The following MYO1B variants were observed in gnomAD, a reference collection of about 807,000 sequenced individuals.
MYO1B encodes the protein myosin IB.
In MYO1B, 72 loss-of-function variants were observed where a neutral mutation model predicts 159.7. That is an observed-to-expected ratio of 0.45 (90% CI 0.37 to 0.55). MYO1B has a LOEUF of 0.55. Ranked by LOEUF, MYO1B falls within the 20% of genes least tolerant of loss-of-function variation. The pLI, the probability that MYO1B is intolerant of heterozygous loss-of-function variation, is 0.00. For synonymous variants in MYO1B, 468 were observed against 473.8 expected, an observed-to-expected ratio of 0.99 and a Z score of 0.16; for missense variants, 1,062 against 1,364.8, an observed-to-expected ratio of 0.78 and a Z score of 3.50.
At chr2:191,306,284 A>G (rs1574389009) in intron 3 of MYO1B, among the ~76,000 whole-genome samples, 1 of 152,296 alleles carries the variant, frequency 6.6e-6, no homozygotes, top group Non-Finnish European at 1.5e-5. Context: ...TGTTCTAGGC[A>G]GAGGCAACAG....
At chr2:191,323,406 T>G (rs1259720268) in intron 3 of MYO1B, among the ~76,000 whole-genome samples, 1 of 152,170 alleles carries the variant, frequency 6.6e-6, no homozygotes, top group Non-Finnish European at 1.5e-5. Context: ...GAAGGTGTCT[T>G]ACACAGGGAT....
rs373294376 is a variant in MYO1B, at chr2:191,250,529, C to T, written c.-10+4903C>T. Among the ~76,000 whole-genome samples, 23 of 152,314 alleles carry T rather than the reference C, an allele frequency of 1.5e-4. No homozygotes were observed. In the East Asian group the frequency reaches 1.7e-3, roughly 12 times the overall value. ...GTCAACTAAGGCTGTTAATAGACTT[C>T]AGGCATATTTGCATTTTAAAAGGCT... On this transcript the variant is annotated intron_variant, in intron 1 of 30. Transcript: ENST00000392318.
intron 2 of MYO1B, among the ~76,000 whole-genome samples, chr2:191,295,795 GT>G (rs1688948420): frequency 6.6e-6 from 1 of 152,180 alleles, no homozygotes; most frequent in Admixed American, 6.5e-5. Context: ...GTTAGCAGTA[GT>G]TTGTGACAAA....
chr2:191,362,778 G>T (rs965380930), intron 9 of MYO1B, among the ~76,000 whole-genome samples: 7 of 152,048 alleles, frequency 4.6e-5, no homozygotes, highest in Admixed American at 3.9e-4. Context: ...ATATAAACCC[G>T]AGCGATTAGC....
rs543278276 is a variant in MYO1B at position 191,388,445 on chromosome 2, A to T, written c.1781+995A>T. Among the ~76,000 whole-genome samples the T allele has an allele frequency of 3.3e-5, 5 of 152,268 alleles. No individual in the cohort carries two copies. In the East Asian group the frequency reaches 9.6e-4, roughly 29 times the overall value. ...AGAAGGTATGTGTCTGGTGGGTCAG[A>T]TTTCATAGAGCACACCCATACCCAC... is the stretch of plus-strand genomic sequence containing the variant. On this transcript the variant is annotated intron_variant, in intron 17 of 30. Transcript: ENST00000392318.
intron 17 of MYO1B, among the ~76,000 whole-genome samples, chr2:191,388,667 T>A (rs1695548799): frequency 6.6e-6 from 1 of 152,194 alleles, no homozygotes; most frequent in South Asian, 2.1e-4. Flanking sequence ...AGAAACTTTC[T>A]GTGATGAGTT....
intron 11 of MYO1B, among the ~76,000 whole-genome samples, chr2:191,369,019 T>C (rs1185463984): frequency 6.6e-6 from 1 of 152,126 alleles, no homozygotes; most frequent in Non-Finnish European, 1.5e-5. Flanking sequence ...GAAAAAAAAT[T>C]TGCAGATTCC....
At chr2:191,391,483 C>T (rs61374498) in intron 18 of MYO1B, among the ~76,000 whole-genome samples, 2,397 of 152,114 alleles carry the variant, frequency 0.016, 60 homozygotes, top group African/African-American at 0.054. Flanking sequence ...TGCTAATTTC[C>T]GGGGTATTAT....
intron 7 of MYO1B, among the ~76,000 whole-genome samples, chr2:191,356,526 TTTG>T (rs1484064191): frequency 2.6e-5 from 4 of 152,134 alleles, no homozygotes; most frequent in South Asian, 2.1e-4. Context: ...TCAGTTTTAC[TTTG>T]TTGTTCTTCA....
chr2:191,337,642 C>T (rs972922180), intron 4 of MYO1B, among the ~76,000 whole-genome samples: 2 of 150,614 alleles, frequency 1.3e-5, no homozygotes, highest in Admixed American at 1.3e-4. Context: ...TACATTCAAA[C>T]ATATATATAT....
chr2:191,329,139 A>G (rs770675451), intron 3 of MYO1B, among the ~76,000 whole-genome samples: 2 of 152,150 alleles, frequency 1.3e-5, no homozygotes, highest in African/African-American at 2.4e-5. Context: ...CATTTTTTCA[A>G]TTAGCTAGAA....
intron 3 of MYO1B, among the ~76,000 whole-genome samples, chr2:191,317,246 A>G (rs977808768): frequency 3.9e-5 from 6 of 152,170 alleles, no homozygotes; most frequent in Non-Finnish European, 8.8e-5. Context: ...AGAACTCAAG[A>G]AGGAAATGAG....
At chr2:191,276,152 G>A (rs1687738922) in intron 1 of MYO1B, among the ~76,000 whole-genome samples, 2 of 152,188 alleles carry the variant, frequency 1.3e-5, no homozygotes. Context: ...AAAACGTAGA[G>A]GCCACTTTTA....
At chr2:191,371,156 A>C (rs1052834266) in intron 13 of MYO1B, 1 of 152,198 alleles carries the variant, frequency 6.6e-6, no homozygotes, top group East Asian at 1.9e-4. Flanking sequence ...GTTCACGGAA[A>C]TAAGAAGTAG....
intron 1 of MYO1B, among the ~76,000 whole-genome samples, chr2:191,252,876 C>T (rs1686208081): frequency 6.6e-6 from 1 of 152,194 alleles, no homozygotes; most frequent in Non-Finnish European, 1.5e-5. Flanking sequence ...GCATCACCTA[C>T]TTCCCCATTT....
intron 2 of MYO1B, among the ~76,000 whole-genome samples, chr2:191,282,927 C>A (rs1369311184): frequency 1.3e-5 from 2 of 152,156 alleles, no homozygotes; most frequent in Admixed American, 6.5e-5. Context: ...CAAAGGTAGA[C>A]CATTAAGGTA....
Position 191,360,701 on chromosome 2 carries a change from G to C in MYO1B, c.633G>C (p.Leu211=). 6.2e-7 allele frequency: 1 copy of C among 1,612,960 alleles called. No homozygotes were observed. ...GAAACTTCCATGTGTTCTATCAGCT[G>C]CTCTCTGGTGCCTCTGAAGAGCTCC... ...GERNFHVFYQ[L]LSGASEELLN... is the part of the protein sequence containing the mutation. The change falls in exon 8 of 31, where the codon CTG becomes CTC. Residue 211 remains leucine (L), a synonymous_variant. Transcript: ENST00000392318.
intron 17 of MYO1B, chr2:191,387,771 TG>T: frequency 2.9e-6 from 1 of 350,026 alleles, no homozygotes; most frequent in Non-Finnish European, 5.3e-6. Context: ...AAAATGCAAG[TG>T]TTTTTTCTGG....
chr2:191,277,122 T>C (rs1687801842), intron 2 of MYO1B, 92 bp downstream of exon 2: 1 of 1,477,210 alleles, frequency 6.8e-7, no homozygotes, highest in Admixed American at 2.1e-5. Context: ...CTTTCTTTTT[T>C]CTCTCTGTTT....
Sources: gnomAD v4.1 joint callset for allele counts (sites outside exome capture counted in the v4.1 genomes callset) on GRCh38, gnomAD v4.1.1 for gene constraint, MANE v1.5 for transcripts, NCBI Gene and HGNC (gene_info 2026-07-23, HGNC 2026-07-21) for gene names.